TMEM232: variants seen among roughly 807,000 people sequenced by gnomAD.
TMEM232 encodes transmembrane protein 232.
A neutral mutation model predicts 78.8 loss-of-function variants in TMEM232; 80 were observed. That is an observed-to-expected ratio of 1.01 (90% CI 0.85 to 1.22). The LOEUF is 1.22. TMEM232 is among the 50% of genes most tolerant of loss of function. The pLI is 0.00. For missense variants in TMEM232, 881 were observed against 742.2 expected (o/e 1.19, Z -2.17); for synonymous variants, 297 against 254.3 (o/e 1.17, Z -1.60).
At chr5:110,548,790 A>G (rs1425280383) in intron 11 of TMEM232, among the ~76,000 whole-genome samples, 2 of 152,124 alleles carry the variant, frequency 1.3e-5, no homozygotes, top group African/African-American at 4.8e-5. Flanking sequence ...CATAAAATTA[A>G]AAGATGGAAA....
chr5:110,417,491 C>T (rs1339563644), downstream of TMEM232, among the ~76,000 whole-genome samples: 5 of 152,016 alleles, frequency 3.3e-5, no homozygotes, highest in African/African-American at 1.2e-4. Context: ...AAGAATCCAA[C>T]TGAATTTGTG....
intron 8 of TMEM232, among the ~76,000 whole-genome samples, chr5:110,610,962 T>C (rs1380202699): frequency 6.6e-6 from 1 of 152,118 alleles, no homozygotes; most frequent in Non-Finnish European, 1.5e-5. Context: ...AGAAAGAAAT[T>C]AATAGTATTG....
chr5:110,487,537 C>T (rs1321694313), intron 12 of TMEM232, among the ~76,000 whole-genome samples: 4 of 152,006 alleles, frequency 2.6e-5, no homozygotes, highest in South Asian at 4.2e-4. Flanking sequence ...TGGATTTTGT[C>T]GAATGCTTTT....
chr5:110,438,386 C>G (rs1196258722), intron 12 of TMEM232, among the ~76,000 whole-genome samples: 2 of 151,728 alleles, frequency 1.3e-5, no homozygotes, highest in African/African-American at 4.8e-5. Context: ...CTCTCCAGGT[C>G]CCAGCGAAGG....
chr5:110,667,331 AT>A lies in TMEM232; in HGVS notation c.21del (p.Lys7AsnfsTer4). 6.5e-7 allele frequency: 1 copy of A among 1,528,204 alleles called. No individual in the cohort carries two copies. The highest frequency in any genetic ancestry group is 8.8e-7 in the Non-Finnish European group (1 of 1,132,556). 94.7% of individuals were successfully genotyped at this position (1,528,204 alleles called of 1,614,324 possible). A position where few individuals can be genotyped will look rare whatever the true frequency, so the allele number is the denominator to read the frequency against. On this transcript the variant is annotated frameshift_variant, in exon 2 of 14. Coordinates refer to ENST00000455884, the MANE Select transcript of TMEM232 (RefSeq NM_001039763.4). LOFTEE classifies it high-confidence loss of function. MNMPVN[K>X]SPMINTCGGI... ...CCTCCACATGTATTAATCATAGGTG[AT>A]TTGTTAACAGGCATATTCATAAATC...
At chr5:110,393,632 T>A (rs76271143) in intron 3 of TMEM232, among the ~76,000 whole-genome samples, 9,804 of 152,194 alleles carry the variant, frequency 0.064, 666 homozygotes, top group African/African-American at 0.17. Context: ...TTGTCTTACA[T>A]ACAATCCAAT....
At chr5:110,440,949 T>C (rs527403777) in intron 12 of TMEM232, among the ~76,000 whole-genome samples, 16 of 152,296 alleles carry the variant, frequency 1.1e-4, no homozygotes, top group African/African-American at 3.8e-4. Flanking sequence ...TCTGATGACC[T>C]AGGAATCTAG....
At chr5:110,556,513 G>A (rs1775112964) in intron 11 of TMEM232, among the ~76,000 whole-genome samples, 1 of 151,884 alleles carries the variant, frequency 6.6e-6, no homozygotes. Flanking sequence ...ATAGCCTCCT[G>A]AGTAGTTCAG....
At chr5:110,589,420 ACTGT>A (rs1358814138) in intron 10 of TMEM232, among the ~76,000 whole-genome samples, 8 of 152,166 alleles carry the variant, frequency 5.3e-5, no homozygotes, top group African/African-American at 1.9e-4. Flanking sequence ...TAGGATAATG[ACTGT>A]CTGAGAGAAT....
intron 1 of TMEM232, among the ~76,000 whole-genome samples, chr5:110,675,927 C>T (rs1400859494): frequency 6.6e-6 from 1 of 152,130 alleles, no homozygotes; most frequent in African/African-American, 2.4e-5. Flanking sequence ...CCATTTCTAC[C>T]TCCCACTCCT....
chr5:110,642,341 G>C lies in TMEM232; in HGVS notation c.156C>G (p.Ile52Met). 1 of 1,533,154 alleles carries C rather than the reference G, an allele frequency of 6.5e-7. No individual in the cohort carries two copies. The highest frequency in any genetic ancestry group is 1.4e-5 in the African/African-American group (1 of 71,954). The allele number at this position is 1,533,154 out of a possible 1,614,324, so 95.0% of individuals were successfully genotyped here. A position where few individuals can be genotyped will look rare whatever the true frequency, so the allele number is the denominator to read the frequency against. ...AATTTTGTGTTTGATTGAATCTCAA[G>C]ATGAATTCTTTTGTGATTGAAAATG... ...RPTFSITKEFILRFNQTQNSK... is the reference protein window; with the variant it reads ...RPTFSITKEFMLRFNQTQNSK... The change falls in exon 3 of 14, where the codon ATC becomes ATG. Residue 52 changes from isoleucine (I) to methionine (M), a missense_variant. By Grantham distance (10) the Ile-to-Met change is conservative. Transcript: ENST00000455884.
chr5:110,638,462 A>C (rs1786204402), intron 4 of TMEM232, 107 bp from the exon 5 acceptor site: 1 of 1,094,690 alleles, frequency 9.1e-7, no homozygotes, highest in Non-Finnish European at 1.3e-6. Flanking sequence ...ACCAAATTGC[A>C]GTTTTAAAAT....
At chr5:110,604,912 C>T (rs946376710) in intron 10 of TMEM232, among the ~76,000 whole-genome samples, 197 bp downstream of exon 10, 116 of 152,226 alleles carry the variant, frequency 7.6e-4, no homozygotes, top group African/African-American at 2.6e-3. Context: ...GCAGGGATCA[C>T]GCCACTGCAC....
chr5:110,477,607 T>C (rs1763389884), intron 12 of TMEM232, among the ~76,000 whole-genome samples: 1 of 151,790 alleles, frequency 6.6e-6, no homozygotes, highest in Admixed American at 6.6e-5. Flanking sequence ...ACTATTACTC[T>C]CTTAAGCCTC....
rs146117698 is a variant in TMEM232 at position 110,721,673 on chromosome 5, G to GTGTATATATATA, written c.-13+4953_-13+4954insTATATATATACA. Among the ~76,000 whole-genome samples the GTGTATATATATA allele has an allele frequency of 9.6e-4, 34 of 35,502 alleles. 3 individuals carry two copies. The highest frequency in any genetic ancestry group is 0.042 in the Middle Eastern group (2 of 48). The allele number at this position is 35,502 out of a possible 152,430, so 23.3% of individuals were successfully genotyped here. A position where few individuals can be genotyped will look rare whatever the true frequency, so the allele number is the denominator to read the frequency against. On this transcript the variant is annotated intron_variant, in intron 1 of 13. Coordinates refer to ENST00000455884, the MANE Select transcript of TMEM232 (RefSeq NM_001039763.4). ...GCATATCATGTGTGTGTGTGTGTGT[G>GTGTATATATATA]TATATATATATCTGTGTGTGTTAGT... is the stretch of plus-strand genomic sequence containing the variant.
intron 5 of TMEM232, 60 bp downstream of exon 5, chr5:110,638,138 A>G: frequency 7.9e-7 from 1 of 1,268,832 alleles, no homozygotes; most frequent in Non-Finnish European, 1.1e-6. Context: ...AACAGATGTC[A>G]TGTTGTTACA....
rs146104536 is a variant in TMEM232, at chr5:110,423,780, C to CGTGTGTGTGTGT, written c.1797+1031_1797+1042dup. The stretch of plus-strand genomic sequence containing the variant: ...AGACCAAAGTAGTTATTTATGCGTG[C>CGTGTGTGTGTGT]GTGTGTGTGTGTGTGTGTGTGTGTG... On this transcript the variant is annotated intron_variant, in intron 13 of 13. Coordinates refer to ENST00000455884, the MANE Select transcript of TMEM232 (RefSeq NM_001039763.4). Among the ~76,000 whole-genome samples, 461 of 142,482 alleles carry CGTGTGTGTGTGT rather than the reference C, an allele frequency of 3.2e-3. 5 individuals are homozygous for CGTGTGTGTGTGT. The highest frequency in any genetic ancestry group is 0.019 in the Admixed American group (272 of 14,268). The allele number at this position is 142,482 out of a possible 152,430, so 93.5% of individuals were successfully genotyped here. A position where few individuals can be genotyped will look rare whatever the true frequency, so the allele number is the denominator to read the frequency against.
At chr5:110,466,935 C>T (rs890231803) in intron 12 of TMEM232, among the ~76,000 whole-genome samples, 4 of 151,440 alleles carry the variant, frequency 2.6e-5, no homozygotes, top group Admixed American at 2.6e-4. Context: ...GCTGGATAAG[C>T]CACCTCCAAA....
At chr5:110,512,355 A>G (rs1767898864) in intron 12 of TMEM232, among the ~76,000 whole-genome samples, 1 of 152,206 alleles carries the variant, frequency 6.6e-6, no homozygotes, top group African/African-American at 2.4e-5. Flanking sequence ...GACAACCAAC[A>G]TGCTAGAGTC....
Sources: gnomAD v4.1 joint callset for allele counts (sites outside exome capture counted in the v4.1 genomes callset) on GRCh38, gnomAD v4.1.1 for gene constraint, MANE v1.5 for transcripts, NCBI Gene and HGNC (gene_info 2026-07-23, HGNC 2026-07-21) for gene names.